The following SLCO1B3 variants were observed in gnomAD, a reference collection of about 807,000 sequenced individuals.
The protein encoded by SLCO1B3 is solute carrier organic anion transporter family member 1B3.
SLCO1B3 carries 72 observed loss-of-function variants against 71.8 expected under a neutral mutation model. That is an observed-to-expected ratio of 1.00 (90% CI 0.83 to 1.22). SLCO1B3 has a LOEUF of 1.22. SLCO1B3 is among the 50% of genes most tolerant of loss of function. The pLI is 0.00. For missense variants in SLCO1B3, 911 were observed against 819.7 expected (o/e 1.11, Z -1.36); for synonymous variants, 298 against 278.4 (o/e 1.07, Z -0.70).
At chr12:20,840,619 C>T (rs757880931) in intron 3 of SLCO1B3, among the ~76,000 whole-genome samples, 1 of 152,038 alleles carries the variant, frequency 6.6e-6, no homozygotes, top group Non-Finnish European at 1.5e-5. Flanking sequence ...TCTTGAACTC[C>T]TGACCTCACA....
chr12:20,812,154 G>T (rs988056431), intron 1 of SLCO1B3, among the ~76,000 whole-genome samples: 16 of 151,972 alleles, frequency 1.1e-4, no homozygotes, highest in African/African-American at 3.6e-4. Flanking sequence ...TGATCTGCCC[G>T]CCTCGGCCTC....
chr12:20,826,748 C>CA (rs1343655846), intron 3 of SLCO1B3, among the ~76,000 whole-genome samples: 13 of 151,416 alleles, frequency 8.6e-5, no homozygotes, highest in African/African-American at 3.1e-4. Flanking sequence ...CTTTTCTTAC[C>CA]AAAAATACCT....
intron 9 of SLCO1B3, among the ~76,000 whole-genome samples, chr12:20,876,317 T>G (rs1319250820): frequency 6.6e-6 from 1 of 152,124 alleles, no homozygotes; most frequent in Non-Finnish European, 1.5e-5. Flanking sequence ...TATCAAATGG[T>G]AAGGTATTGA....
chr12:20,821,542 G>A lies in SLCO1B3; in HGVS notation c.84+5720G>A, dbSNP rs569276198. On this transcript the variant is annotated intron_variant, in intron 3 of 15. Transcript: ENST00000381545. ...GGGTTTCTTGCCCTCCAGAAAAGCA[G>A]AGAAAGGGTTGGGGCACGGAAATAA... Among the ~76,000 whole-genome samples, 43 of 148,092 alleles carry A rather than the reference G, an allele frequency of 2.9e-4. 1 individual carries two copies. The South Asian group carries it at 7.3e-3, about 25-fold the overall frequency.
intron 3 of SLCO1B3, among the ~76,000 whole-genome samples, chr12:20,854,305 C>CATTATTATTATTATT (rs138788559): frequency 5.3e-5 from 8 of 151,072 alleles, no homozygotes; most frequent in Admixed American, 2.0e-4. Context: ...ATTGAAGTAT[C>CATTATTATTATTATT]ATTATTATTA....
chr12:20,818,875 G>A (rs1864239115), intron 3 of SLCO1B3, among the ~76,000 whole-genome samples: 1 of 152,206 alleles, frequency 6.6e-6, no homozygotes, highest in South Asian at 2.1e-4. Flanking sequence ...TGTGGTGTCT[G>A]GAATAATGTG....
At chr12:20,880,759 C>G in intron 11 of SLCO1B3, 96 bp from the exon 12 acceptor site, 3 of 698,334 alleles carry the variant, frequency 4.3e-6, no homozygotes, top group Non-Finnish European at 6.6e-6. Context: ...TCCTCCTCCT[C>G]TATTTCCCCT....
chr12:20,828,633 G>GCACACACA (rs561409835), intron 3 of SLCO1B3, among the ~76,000 whole-genome samples: 1 of 147,170 alleles, frequency 6.8e-6, no homozygotes, highest in Non-Finnish European at 1.5e-5. Context: ...AAGCATAAAG[G>GCACACACA]CACACACACA....
At position 20,812,276 on chromosome 12, in the gene SLCO1B3, G is replaced by C. The variant is rs1022640462; in HGVS notation, c.-180-1248G>C. On this transcript the variant is annotated intron_variant, in intron 1 of 15. Transcript: ENST00000381545. ...CCCACATTTCTTATTTTTCTGGATG[G>C]GTATTTTATCTGAACATAAAAGAGA... is the stretch of plus-strand genomic sequence containing the variant. Among the ~76,000 whole-genome samples, 6 of 152,136 alleles carry C rather than the reference G, an allele frequency of 3.9e-5. No homozygotes were observed. In the East Asian group the frequency reaches 1.2e-3, roughly 29 times the overall value.
intron 2 of SLCO1B3, among the ~76,000 whole-genome samples, chr12:20,814,629 G>A (rs1343617281): frequency 2.0e-5 from 3 of 152,074 alleles, no homozygotes; most frequent in Admixed American, 6.6e-5. Flanking sequence ...GGTGGTTCAC[G>A]CCTGTAATCC....
chr12:20,860,232 G>A (rs1177391207), intron 5 of SLCO1B3, among the ~76,000 whole-genome samples: 2 of 152,138 alleles, frequency 1.3e-5, no homozygotes, highest in African/African-American at 4.8e-5. Context: ...TGGGATTACA[G>A]GCGTGAGCCA....
At chr12:20,896,945 C>T (rs922812293) in intron 13 of SLCO1B3, among the ~76,000 whole-genome samples, 6 of 152,150 alleles carry the variant, frequency 3.9e-5, no homozygotes, top group African/African-American at 1.4e-4. Context: ...AGAGTTTGTG[C>T]AGGAAAACTC....
At chr12:20,897,725 A>G (rs970336542) in intron 13 of SLCO1B3, among the ~76,000 whole-genome samples, 1 of 152,318 alleles carries the variant, frequency 6.6e-6, no homozygotes, top group Non-Finnish European at 1.5e-5. Context: ...AGCCACAGTC[A>G]TCCACCTCAT....
chr12:20,846,904 C>T (rs921359646), intron 3 of SLCO1B3, among the ~76,000 whole-genome samples: 4 of 152,148 alleles, frequency 2.6e-5, no homozygotes, highest in South Asian at 2.1e-4. Flanking sequence ...CCTCTTATCT[C>T]GATGCCAGTT....
intron 8 of SLCO1B3, among the ~76,000 whole-genome samples, chr12:20,869,478 G>T (rs943033886): frequency 1.3e-5 from 2 of 152,142 alleles, no homozygotes; most frequent in Non-Finnish European, 2.9e-5. Context: ...TCATATCTAA[G>T]ATCTATATCT....
At chr12:20,817,418 C>T (rs1328601589) in intron 3 of SLCO1B3, among the ~76,000 whole-genome samples, 1 of 152,124 alleles carries the variant, frequency 6.6e-6, no homozygotes, top group African/African-American at 2.4e-5. Context: ...TTCATCCTAG[C>T]ACCATTTATT....
chr12:20,812,365 G>T (rs1027719700), intron 1 of SLCO1B3, among the ~76,000 whole-genome samples: 1 of 149,480 alleles, frequency 6.7e-6, no homozygotes, highest in Non-Finnish European at 1.5e-5. Context: ...GATTATTCGG[G>T]TATGTTCTCC....
chr12:20,834,192 A>G lies in SLCO1B3; in HGVS notation c.84+18370A>G, dbSNP rs987292353. On this transcript the variant is annotated intron_variant, in intron 3 of 15. Coordinates refer to ENST00000381545, the MANE Select transcript of SLCO1B3 (RefSeq NM_019844.4). ...CTATGTATGTATATAGTAAACATAT[A>G]TAAACTATATATGTATTCATATACA... Among the ~76,000 whole-genome samples the G allele has an allele frequency of 2.1e-5, 3 of 145,946 alleles. No individual in the cohort carries two copies. The South Asian group carries it at 6.5e-4, about 32-fold the overall frequency.
chr12:20,822,867 G>C (rs66838921), intron 3 of SLCO1B3, among the ~76,000 whole-genome samples: 9,002 of 151,952 alleles, frequency 0.059, 478 homozygotes, highest in African/African-American at 0.14. Flanking sequence ...AGTGAATTGG[G>C]GTCTCAAGTT....
Sources: allele counts gnomAD v4.1 joint callset (sites outside exome capture counted in the v4.1 genomes callset), GRCh38; gene constraint gnomAD v4.1.1; transcripts MANE v1.5; gene names NCBI Gene and HGNC (gene_info 2026-07-23, HGNC 2026-07-21).